The following MBTPS1 variants were observed in gnomAD, a reference collection of about 807,000 sequenced individuals.
The protein encoded by MBTPS1 is membrane-bound transcription factor site-1 protease.
In MBTPS1, 94 loss-of-function variants were observed where a neutral mutation model predicts 127.8. The observed-to-expected ratio is 0.74, with a 90% CI of 0.62 to 0.87. MBTPS1 has a LOEUF of 0.87. Among genes scored for constraint, MBTPS1 ranks in the 40% least tolerant of loss-of-function variants. The pLI, the probability that MBTPS1 is intolerant of heterozygous loss-of-function variation, is 0.00. For missense variants in MBTPS1, 1,636 were observed against 1,353.2 expected, an observed-to-expected ratio of 1.21 and a Z score of -3.28; for synonymous variants, 632 against 509.4, an observed-to-expected ratio of 1.24 and a Z score of -3.24.
chr16:84,054,070 G>C lies in MBTPS1; in HGVS notation c.*379C>G. On this transcript the variant is annotated 3_prime_UTR_variant, in exon 23 of 23. Transcript: ENST00000343411. ...GTGACTTTTCCCAACAATAAATATAGAAAATAGCCTTTAACAAGCGTCTTT... is the reference window on the plus strand; with the variant it reads ...GTGACTTTTCCCAACAATAAATATACAAAATAGCCTTTAACAAGCGTCTTT... The C allele has an allele frequency of 6.1e-6, 1 of 165,080 alleles. No individual in the cohort carries two copies. Among genetic ancestry groups the C allele is most frequent in the Middle Eastern group, 5.1e-4 (1 of 1,966 alleles). The allele number at this position is 165,080 out of a possible 1,614,324, so 10.2% of individuals were successfully genotyped here. A position where few individuals can be genotyped will look rare whatever the true frequency, so the allele number is the denominator to read the frequency against.
intron 18 of MBTPS1, among the ~76,000 whole-genome samples, chr16:84,064,043 T>C (rs544511195): frequency 1.3e-5 from 2 of 152,220 alleles, no homozygotes; most frequent in African/African-American, 2.4e-5. Context: ...CCAGATGACA[T>C]AATTTAAAAT....
rs12933523 is a variant in MBTPS1, at chr16:84,081,788, G to A, written c.1407C>T (p.Leu469=). The A allele has an allele frequency of 0.17, 253,408 of 1,512,812 alleles. 22,727 individuals carry two copies. Among genetic ancestry groups the A allele is most frequent in the Non-Finnish European group, 0.19 (212,820 of 1,128,380 alleles). The allele number at this position is 1,512,812 out of a possible 1,614,324, so 93.7% of individuals were successfully genotyped here. The stretch of plus-strand genomic sequence containing the variant: ...AGCTGTTGAGGATCTGATAGGCTCT[G>A]AGCAGATCGAGCTTGCCGTGGCCTT... ...FEQGHGKLDL[L]RAYQILNSYK... Residue 469 remains leucine, a synonymous_variant, in exon 11 of 23, where the codon CTC becomes CTT. Transcript: ENST00000343411.
At position 84,060,626 on chromosome 16, in the gene MBTPS1, C is replaced by CATCATGTTCAGCTGG. The variant is rs2085595510; in HGVS notation, c.2704+41_2704+55dup. 10 of 1,579,112 alleles carry CATCATGTTCAGCTGG rather than the reference C, an allele frequency of 6.3e-6. No individual in the cohort carries two copies. In the South Asian group the frequency reaches 1.1e-4, roughly 18 times the overall value. On this transcript the variant is annotated intron_variant, in intron 20 of 22. Coordinates refer to ENST00000343411, the MANE Select transcript of MBTPS1 (RefSeq NM_003791.4). ...CAGGCACAGCCACTGGCTGAAGTAG[C>CATCATGTTCAGCTGG]ATCATGTTCAGCTGGATCCAATTCC...
chr16:84,090,851 G>A (rs750305400), intron 8 of MBTPS1, 24 bp downstream of exon 8: 1 of 1,575,740 alleles, frequency 6.3e-7, no homozygotes, highest in South Asian at 1.1e-5. Flanking sequence ...AATCCCCGAG[G>A]TCATCCCTGC....
chr16:84,059,538 C>G (rs142587141), intron 20 of MBTPS1, 110 bp from the exon 21 acceptor site: 85 of 1,028,326 alleles, frequency 8.3e-5, no homozygotes, highest in Middle Eastern at 6.7e-4. Context: ...CAACACAGCA[C>G]AGAGCCCCTG....
Position 84,095,650 on chromosome 16 carries a change from C to A in MBTPS1, c.577G>T (p.Val193Phe). 1 of 1,614,242 alleles carries A rather than the reference C, an allele frequency of 6.2e-7. No homozygotes were observed. The highest frequency in any genetic ancestry group is 8.5e-7 in the Non-Finnish European group (1 of 1,180,034). The change falls in exon 4 of 23, where the codon GTT becomes TTT. Residue 193 changes from valine to phenylalanine, a missense_variant. By Grantham distance (50) the Val-to-Phe change is conservative. Coordinates refer to ENST00000343411, the MANE Select transcript of MBTPS1 (RefSeq NM_003791.4). Reference protein sequence around the residue: ...RRLLRAIPRQVAQTLQADVLW... With the variant: ...RRLLRAIPRQFAQTLQADVLW... Reference sequence around the variant, plus strand: ...ACATCTGCCTGCAGTGTCTGGGCAACCTGGCGCGGGATGGCTCTCAGCAGC... The same window carrying A: ...ACATCTGCCTGCAGTGTCTGGGCAAACTGGCGCGGGATGGCTCTCAGCAGC...
At chr16:84,058,505 C>A (rs185435057) in intron 21 of MBTPS1, among the ~76,000 whole-genome samples, 1 of 152,216 alleles carries the variant, frequency 6.6e-6, no homozygotes, top group African/African-American at 2.4e-5. Context: ...GCCTGCCCGG[C>A]CACGGACACA....
In MBTPS1 at chr16:84,091,829, A is replaced by C. The variant is rs1036810997; in HGVS notation, c.866T>G (p.Phe289Cys). ...AATGGCATAGTTGAAGGCGTCCAAAAACCAAGATGTGTAAGATACCTAGTT... is the reference window on the plus strand; with the variant it reads ...AATGGCATAGTTGAAGGCGTCCAAACACCAAGATGTGTAAGATACCTAGTT... ...TNNQVSYTSW[F>C]LDAFNYAILK... The change falls in exon 7 of 23, where the codon TTT becomes TGT. Residue 289 changes from phenylalanine (F) to cysteine (C), a missense_variant. Physicochemically the swap from Phe to Cys is radical, Grantham distance 205. Transcript: ENST00000343411. The C allele has an allele frequency of 1.2e-6, 2 of 1,610,196 alleles. No homozygotes were observed. The highest frequency in any genetic ancestry group is 1.3e-5 in the African/African-American group (1 of 74,840).
intron 1 of MBTPS1, among the ~76,000 whole-genome samples, chr16:84,114,521 C>T (rs897126384): frequency 2.2e-4 from 33 of 152,048 alleles, no homozygotes; most frequent in African/African-American, 6.0e-4. Context: ...TTCTAACTTC[C>T]TTATTTTACT....
At chr16:84,100,997 T>TAAAAAAAAA (rs1273256620) in intron 2 of MBTPS1, among the ~76,000 whole-genome samples, 1 of 23,372 alleles carries the variant, frequency 4.3e-5, no homozygotes, top group African/African-American at 2.0e-4. Context: ...CTACTAAAAA[T>TAAAAAAAAA]ACAAAAAAAA....
intron 1 of MBTPS1, among the ~76,000 whole-genome samples, chr16:84,104,240 G>C (rs1159619004): frequency 1.3e-5 from 2 of 152,010 alleles, no homozygotes; most frequent in Non-Finnish European, 2.9e-5. Flanking sequence ...TGTTGTTGTT[G>C]TTAAAAAGGA....
Position 84,099,099 on chromosome 16 carries a change from C to T in MBTPS1, c.375G>A (p.Arg125=), listed in dbSNP as rs960283920. The T allele has an allele frequency of 6.2e-7, 1 of 1,614,106 alleles. No individual in the cohort carries two copies. Among genetic ancestry groups the T allele is most frequent in the Non-Finnish European group, 8.5e-7 (1 of 1,180,026 alleles). Residue 125 remains arginine, a synonymous_variant, in exon 3 of 23, where the codon CGG becomes CGA. Coordinates refer to ENST00000343411, the MANE Select transcript of MBTPS1 (RefSeq NM_003791.4). ...GAAAGACTTTTCGTTGGGGCGTGACCCGTTTGATGTTTGGATGATCTTCAA... is the reference window on the plus strand; with the variant it reads ...GAAAGACTTTTCGTTGGGGCGTGACTCGTTTGATGTTTGGATGATCTTCAA... ...LTLEDHPNIK[R]VTPQRKVFRS...
chr16:84,092,612 C>T (rs376249557), intron 6 of MBTPS1, among the ~76,000 whole-genome samples: 17 of 152,134 alleles, frequency 1.1e-4, no homozygotes, highest in African/African-American at 4.1e-4. Flanking sequence ...TACCTTCTGA[C>T]ATTTCTGAGC....
chr16:84,057,434 C>T lies in MBTPS1; in HGVS notation c.2832-1299G>A, dbSNP rs145835466. On this transcript the variant is annotated intron_variant, in intron 21 of 22. Coordinates refer to ENST00000343411, the MANE Select transcript of MBTPS1 (RefSeq NM_003791.4). ...GTGGAGCAGTCATGGTAACAGTCCA[C>T]ACCCATTACCATGTGGGTGCTTTAC... 12 of 152,384 alleles carry T rather than the reference C, an allele frequency of 7.9e-5. No individual in the cohort carries two copies. The East Asian group carries it at 9.6e-4, about 12-fold the overall frequency. 9.4% of individuals were successfully genotyped at this position (152,384 alleles called of 1,614,324 possible).
intron 10 of MBTPS1, 96 bp downstream of exon 10, chr16:84,084,887 A>C: frequency 7.2e-7 from 1 of 1,389,080 alleles, no homozygotes; most frequent in Non-Finnish European, 9.9e-7. Context: ...CTCAAACCCA[A>C]GACAGGGCAG....
intron 1 of MBTPS1, among the ~76,000 whole-genome samples, chr16:84,115,944 GAA>G (rs34944031): frequency 0.012 from 1,754 of 148,408 alleles, 16 homozygotes; most frequent in South Asian, 0.034. Flanking sequence ...TCTCCAGATT[GAA>G]AAAAAAAAAA....
rs2085489388 is a variant in MBTPS1, at chr16:84,054,534, T to C, written c.3074A>G (p.Lys1025Arg). ...AFFVVQINKAKSRPKRRKPRV... is the reference protein window; with the variant it reads ...AFFVVQINKARSRPKRRKPRV... ...GGGCTTCCTCCGCTTCGGCCTGCTC[T>C]TGGCCTTGTTGATTTGTACCACAAA... is the stretch of plus-strand genomic sequence containing the variant. Residue 1025 changes from lysine to arginine, a missense_variant, in exon 23 of 23, where the codon AAG becomes AGG. Physicochemically the swap from Lys to Arg is conservative, Grantham distance 26. Transcript: ENST00000343411. 1.2e-6 allele frequency: 2 copies of C among 1,614,038 alleles called. No individual in the cohort carries two copies. The highest frequency in any genetic ancestry group is 4.5e-5 in the East Asian group (2 of 44,862).
chr16:84,076,396 C>G (rs1286187934), intron 11 of MBTPS1, among the ~76,000 whole-genome samples: 1 of 152,094 alleles, frequency 6.6e-6, no homozygotes, highest in African/African-American at 2.4e-5. Flanking sequence ...GTAAGGATAG[C>G]CACTCTCTCC....
chr16:84,091,276 A>C (rs2151162444), intron 7 of MBTPS1, among the ~76,000 whole-genome samples: 1 of 152,238 alleles, frequency 6.6e-6, no homozygotes, highest in Admixed American at 6.5e-5. Context: ...ACCTGAGGTC[A>C]GGAGTTGGAG....
Sources: gnomAD v4.1 joint callset for allele counts (sites outside exome capture counted in the v4.1 genomes callset) on GRCh38, gnomAD v4.1.1 for gene constraint, MANE v1.5 for transcripts, NCBI Gene and HGNC (gene_info 2026-07-23, HGNC 2026-07-21) for gene names.